The following TNFRSF1B variants were observed in gnomAD, a reference collection of about 807,000 sequenced individuals.
TNFRSF1B encodes the protein tumor necrosis factor receptor superfamily member 1B.
TNFRSF1B carries 19 observed loss-of-function variants against 44.6 expected under a neutral mutation model. The ratio of observed to expected loss-of-function variants is 0.43; its 90% CI spans 0.30 to 0.62. The LOEUF is 0.62. Ranked by LOEUF, TNFRSF1B falls within the 20% of genes least tolerant of loss-of-function variation. The pLI, the probability that TNFRSF1B is intolerant of heterozygous loss-of-function variation, is 0.16. For synonymous variants in TNFRSF1B, 252 were observed against 261.1 expected (o/e 0.97, Z 0.34); for missense variants, 541 against 619.9 (o/e 0.87, Z 1.35).
Position 12,180,486 on chromosome 1 carries a change from A to G in TNFRSF1B, c.79-8310A>G, listed in dbSNP as rs1638774003. On this transcript the variant is annotated intron_variant, in intron 1 of 9. Coordinates refer to ENST00000376259, the MANE Select transcript of TNFRSF1B (RefSeq NM_001066.3). The surrounding 1 kb of genome is among the most constrained non-coding windows in gnomAD (Gnocchi z 4.3). ...TGCAGGGCCTTGGCCTGGGAACAGGACAAGCAGCAAGTCAGTTGACCCGGG... is the reference window on the plus strand; with the variant it reads ...TGCAGGGCCTTGGCCTGGGAACAGGGCAAGCAGCAAGTCAGTTGACCCGGG... 6.6e-6 allele frequency among the ~76,000 whole-genome samples: 1 copy of G among 152,136 alleles called. No individual in the cohort carries two copies. Among genetic ancestry groups the G allele is most frequent in the African/African-American group, 2.4e-5 (1 of 41,424 alleles).
Position 12,208,364 on chromosome 1 carries a change from CG to C in TNFRSF1B, c.*1347del, listed in dbSNP as rs982228852. On this transcript the variant is annotated 3_prime_UTR_variant, in exon 10 of 10. Coordinates refer to ENST00000376259, the MANE Select transcript of TNFRSF1B (RefSeq NM_001066.3). ...CCACCTTCAATTCCTGGGCCCCAAA[CG>C]GGCTGCCCTGCCACTTTGGTACATG... The C allele has an allele frequency of 3.9e-5, 6 of 152,918 alleles. No homozygotes were observed. Among genetic ancestry groups the C allele is most frequent in the African/African-American group, 1.4e-4 (6 of 41,600 alleles). The allele number at this position is 152,918 out of a possible 1,614,324, so 9.5% of individuals were successfully genotyped here. A position where few individuals can be genotyped will look rare whatever the true frequency, so the allele number is the denominator to read the frequency against.
At chr1:12,195,180 T>G (rs1314778689) in intron 8 of TNFRSF1B, among the ~76,000 whole-genome samples, 2 of 152,252 alleles carry the variant, frequency 1.3e-5, no homozygotes, top group African/African-American at 4.8e-5. Flanking sequence ...ACCTTTGATC[T>G]GTTTTATAAA....
At chr1:12,204,805 C>CAA (rs1411171134) in intron 9 of TNFRSF1B, among the ~76,000 whole-genome samples, 9 of 150,690 alleles carry the variant, frequency 6.0e-5, no homozygotes, top group African/African-American at 2.2e-4. Flanking sequence ...ACCACCACCA[C>CAA]CACCACCACC....
intron 1 of TNFRSF1B, among the ~76,000 whole-genome samples, chr1:12,174,468 G>A (rs5745965): frequency 3.3e-5 from 5 of 152,170 alleles, no homozygotes; most frequent in Middle Eastern, 3.4e-3. Context: ...GGCTGGTCTC[G>A]AACTCCTGAC....
chr1:12,204,311 T>A (rs577470833), intron 9 of TNFRSF1B, among the ~76,000 whole-genome samples: 1 of 152,250 alleles, frequency 6.6e-6, no homozygotes, highest in African/African-American at 2.4e-5. Context: ...AAGGCCATGG[T>A]GACTTTGGGT....
rs1399702169 is a variant in TNFRSF1B at position 12,177,339 on chromosome 1, A to G, written c.78+10170A>G. Among the ~76,000 whole-genome samples, 2 of 151,720 alleles carry G rather than the reference A, an allele frequency of 1.3e-5. No individual in the cohort carries two copies. The highest frequency in any genetic ancestry group is 2.9e-5 in the Non-Finnish European group (2 of 67,948). On this transcript the variant is annotated intron_variant, in intron 1 of 9. Coordinates refer to ENST00000376259, the MANE Select transcript of TNFRSF1B (RefSeq NM_001066.3). This position sits in a 1 kb window ranked among gnomAD's most constrained non-coding sequence, Gnocchi z 4.3. ...ACTGATTCTGGTCAGTGTCAACCCC[A>G]TTTGTCCCTGGAGCTTTTGCAGTCG...
chr1:12,203,262 G>A (rs924249428), intron 9 of TNFRSF1B, among the ~76,000 whole-genome samples: 10 of 152,186 alleles, frequency 6.6e-5, no homozygotes, highest in Admixed American at 2.6e-4. Context: ...GAGCTATAGC[G>A]CCTCCTTGCC....
chr1:12,206,682 C>A, intron 9 of TNFRSF1B, 58 bp from the exon 10 acceptor site: 1 of 1,495,288 alleles, frequency 6.7e-7, no homozygotes, highest in Non-Finnish European at 9.0e-7. Flanking sequence ...GGGCAGGGGT[C>A]CCTGGGCCCC....
At chr1:12,202,247 T>C (rs1011489433) in intron 9 of TNFRSF1B, 76 bp downstream of exon 9, 2 of 1,512,126 alleles carry the variant, frequency 1.3e-6, no homozygotes, top group Non-Finnish European at 8.8e-7. Flanking sequence ...CTTAGCCATC[T>C]CCTCCTGAGC....
chr1:12,195,259 T>C (rs532934377), intron 8 of TNFRSF1B, among the ~76,000 whole-genome samples: 4 of 152,318 alleles, frequency 2.6e-5, no homozygotes, highest in African/African-American at 9.6e-5. Context: ...TTTCATTCAT[T>C]CTCCATCAGG....
At chr1:12,170,510 C>T (rs1638497754) in intron 1 of TNFRSF1B, among the ~76,000 whole-genome samples, 3 of 152,196 alleles carry the variant, frequency 2.0e-5, no homozygotes, top group South Asian at 2.1e-4. Flanking sequence ...AGTGGCTCCC[C>T]GTAGCACTGT....
At chr1:12,176,435 T>C (rs1177002297) in intron 1 of TNFRSF1B, among the ~76,000 whole-genome samples, 2 of 152,186 alleles carry the variant, frequency 1.3e-5, no homozygotes, top group African/African-American at 4.8e-5. Context: ...ACTTTACATG[T>C]GTTATTTAAT....
At position 12,180,474 on chromosome 1, in the gene TNFRSF1B, C is replaced by G. The variant is rs1178940861; in HGVS notation, c.79-8322C>G. ...ACCTCGGGTACTTGCAGGGCCTTGG[C>G]CTGGGAACAGGACAAGCAGCAAGTC... On this transcript the variant is annotated intron_variant, in intron 1 of 9. Transcript: ENST00000376259. This position sits in a 1 kb window ranked among gnomAD's most constrained non-coding sequence, Gnocchi z 4.3. Among the ~76,000 whole-genome samples, 6 of 152,172 alleles carry G rather than the reference C, an allele frequency of 3.9e-5. No homozygotes were observed. Among genetic ancestry groups the G allele is most frequent in the Non-Finnish European group, 5.9e-5 (4 of 68,012 alleles).
chr1:12,190,622 C>A (rs1203317783), intron 2 of TNFRSF1B, among the ~76,000 whole-genome samples: 1 of 151,920 alleles, frequency 6.6e-6, no homozygotes, highest in African/African-American at 2.4e-5. Context: ...ATCATTCATG[C>A]CCCTAGCTGG....
chr1:12,167,013 C>A lies in TNFRSF1B; in HGVS notation c.-79C>A, dbSNP rs962368535. Reference sequence around the variant, plus strand: ...TTCAGTCGAGGGCTAGCGAGCGCAGCGGAGCCTGGAGAGAAGGCGCTGGGC... The same window carrying A: ...TTCAGTCGAGGGCTAGCGAGCGCAGAGGAGCCTGGAGAGAAGGCGCTGGGC... On this transcript the variant is annotated 5_prime_UTR_variant, in exon 1 of 10. Coordinates refer to ENST00000376259, the MANE Select transcript of TNFRSF1B (RefSeq NM_001066.3). The A allele has an allele frequency of 1.4e-5, 15 of 1,067,776 alleles. No individual in the cohort carries two copies. In the South Asian group the frequency reaches 4.9e-4, roughly 35 times the overall value. 66.1% of individuals were successfully genotyped at this position (1,067,776 alleles called of 1,614,324 possible). A position where few individuals can be genotyped will look rare whatever the true frequency, so the allele number is the denominator to read the frequency against.
chr1:12,172,395 T>A (rs1234985852), intron 1 of TNFRSF1B, among the ~76,000 whole-genome samples: 1 of 152,214 alleles, frequency 6.6e-6, no homozygotes, highest in Non-Finnish European at 1.5e-5. Flanking sequence ...ATGGGAGTAA[T>A]CCTAGCCTCA....
intron 1 of TNFRSF1B, among the ~76,000 whole-genome samples, chr1:12,174,137 CT>C: frequency 1.4e-5 from 1 of 73,544 alleles, no homozygotes; most frequent in Non-Finnish European, 2.7e-5. Flanking sequence ...TCTTCTTCTT[CT>C]TCTTCTTCTT....
chr1:12,174,165 TCC>T (rs1436342770), intron 1 of TNFRSF1B, among the ~76,000 whole-genome samples: 141 of 47,286 alleles, frequency 3.0e-3, no homozygotes, highest in African/African-American at 6.9e-3. Context: ...CTTCTTCTTC[TCC>T]TTCTCCTTCT....
intron 1 of TNFRSF1B, among the ~76,000 whole-genome samples, chr1:12,172,966 G>A (rs1419943781): frequency 6.6e-6 from 1 of 152,220 alleles, no homozygotes; most frequent in Non-Finnish European, 1.5e-5. Flanking sequence ...TGCTGCTGAA[G>A]GTTCTGTTTA....
Sources: allele counts gnomAD v4.1 joint callset (sites outside exome capture counted in the v4.1 genomes callset), GRCh38; gene constraint gnomAD v4.1.1; non-coding constraint Gnocchi (gnomAD v3.1); transcripts MANE v1.5; gene names NCBI Gene and HGNC (gene_info 2026-07-23, HGNC 2026-07-21).